The following SKI variants were observed in gnomAD, a reference collection of about 807,000 sequenced individuals.
SKI encodes ski oncogene.
Under a neutral mutation model 59.3 loss-of-function variants are expected in SKI, and 23 were observed. That is an observed-to-expected ratio of 0.39 (90% confidence interval 0.28 to 0.55). The LOEUF (loss-of-function observed/expected upper bound fraction) is 0.55, where lower values mean the gene tolerates loss of function less well. Ranked by LOEUF, SKI falls within the 20% of genes least tolerant of loss-of-function variation. The probability of loss-of-function intolerance (pLI) is 0.67; values close to 1 mark genes in which losing one functional copy is unlikely to be tolerated. For missense variants in SKI, 1,017 were observed against 1,038.9 expected, an observed-to-expected ratio of 0.98 and a Z score of 0.29; for synonymous variants, 673 against 488.6, an observed-to-expected ratio of 1.38 and a Z score of -4.98.
chr1:2,230,182 A>C (rs1055117550), intron 1 of SKI, among the ~76,000 whole-genome samples: 2 of 152,210 alleles, frequency 1.3e-5, no homozygotes, highest in African/African-American at 4.8e-5. Context: ...GAAGGCACCC[A>C]GCCTCGAAGA....
chr1:2,282,998 CCAGT>C (rs1235512383), intron 1 of SKI, among the ~76,000 whole-genome samples: 6 of 152,146 alleles, frequency 3.9e-5, no homozygotes, highest in Non-Finnish European at 8.8e-5. Context: ...GAGACGGGAG[CCAGT>C]CTCGGACCCT....
Position 2,263,469 on chromosome 1 carries a change from T to C in SKI, c.969+33734T>C, listed in dbSNP as rs79504977. Among the ~76,000 whole-genome samples, 33 of 151,358 alleles carry C rather than the reference T, an allele frequency of 2.2e-4. No individual in the cohort carries two copies. In the East Asian group the frequency reaches 6.5e-3, roughly 30 times the overall value. ...GCCAGGCAGTCTTGAACTTCTGATA[T>C]TAGGTGATCCTCCTGCCTCAGCCTC... On this transcript the variant is annotated intron_variant, in intron 1 of 6. Transcript: ENST00000378536.
At chr1:2,247,656 C>T (rs775969444) in intron 1 of SKI, among the ~76,000 whole-genome samples, 2 of 152,208 alleles carry the variant, frequency 1.3e-5, no homozygotes, top group Non-Finnish European at 2.9e-5. Context: ...TTGCCCTGGC[C>T]ACTTGGGGTT....
At chr1:2,259,819 C>T (rs1469431618) in intron 1 of SKI, among the ~76,000 whole-genome samples, 1 of 152,160 alleles carries the variant, frequency 6.6e-6, no homozygotes, top group Admixed American at 6.5e-5. Context: ...GTCTGGCTTC[C>T]TTCCCTCAGC....
chr1:2,260,539 T>TC (rs1557825829), intron 1 of SKI, among the ~76,000 whole-genome samples: 4 of 124,656 alleles, frequency 3.2e-5, no homozygotes, highest in Admixed American at 7.9e-5. Context: ...CTTTTTCTTT[T>TC]TTTTTTTTTT....
intron 1 of SKI, among the ~76,000 whole-genome samples, chr1:2,288,517 G>A (rs1160834719): frequency 2.6e-5 from 4 of 152,238 alleles, no homozygotes; most frequent in Admixed American, 6.5e-5. Context: ...CGTTTCCTGT[G>A]GGAGTGGCTC....
chr1:2,228,691 C>T lies in SKI; in HGVS notation c.-76C>T. On this transcript the variant is annotated 5_prime_UTR_variant, in exon 1 of 7. Coordinates refer to ENST00000378536, the MANE Select transcript of SKI (RefSeq NM_003036.4). ...GTCGGGGCCGCGGGCGCCGCCGGGG[C>T]GCGCGGGGCGGCGGCGGGGGCCGGG... 1.1e-6 allele frequency: 1 copy of T among 912,598 alleles called. No homozygotes were observed. The highest frequency in any genetic ancestry group is 1.3e-6 in the Non-Finnish European group (1 of 768,640). The allele number at this position is 912,598 out of a possible 1,614,324, so 56.5% of individuals were successfully genotyped here.
intron 1 of SKI, among the ~76,000 whole-genome samples, chr1:2,291,248 C>T (rs183047967): frequency 2.0e-5 from 3 of 152,254 alleles, no homozygotes; most frequent in East Asian, 1.9e-4. Flanking sequence ...CCCAGTGTGT[C>T]CCCTGGGGGA....
chr1:2,306,459 C>A, intron 6 of SKI, 118 bp from the exon 7 acceptor site: 1 of 1,138,864 alleles, frequency 8.8e-7, no homozygotes, highest in Non-Finnish European at 1.2e-6. Flanking sequence ...GGAGGAGGGG[C>A]CGGCACGCGG....
chr1:2,266,609 C>T lies in SKI; in HGVS notation c.970-36369C>T, dbSNP rs560436348. 2.0e-5 allele frequency among the ~76,000 whole-genome samples: 3 copies of T among 152,290 alleles called. No homozygotes were observed. In the East Asian group the frequency reaches 5.8e-4, roughly 29 times the overall value. ...GGGGCCATTGTCTCCCATCTCCTGT[C>T]TTGTCTGCGTTTTTGGCCTTTCCAG... On this transcript the variant is annotated intron_variant, in intron 1 of 6. Transcript: ENST00000378536.
At chr1:2,298,859 G>A (rs1453902197) in intron 1 of SKI, among the ~76,000 whole-genome samples, 3 of 152,344 alleles carry the variant, frequency 2.0e-5, no homozygotes, top group East Asian at 3.9e-4. Context: ...GCTCCTTGGT[G>A]CCCAGAGCTC....
intron 1 of SKI, among the ~76,000 whole-genome samples, chr1:2,287,440 C>T (rs904909972): frequency 6.6e-6 from 1 of 151,520 alleles, no homozygotes; most frequent in Non-Finnish European, 1.5e-5. Flanking sequence ...GGGTTCACGC[C>T]ATTCTCCTGC....
At chr1:2,261,221 C>T (rs940422671) in intron 1 of SKI, among the ~76,000 whole-genome samples, 17 of 152,302 alleles carry the variant, frequency 1.1e-4, no homozygotes, top group Non-Finnish European at 1.8e-4. Flanking sequence ...GTGATATTCG[C>T]GCTCTAACCC....
chr1:2,253,562 CA>C (rs1350268320), intron 1 of SKI, among the ~76,000 whole-genome samples: 1 of 152,242 alleles, frequency 6.6e-6, no homozygotes. Flanking sequence ...TGCCCTGTCT[CA>C]GGGGGCTGCT....
At chr1:2,279,672 CTGGGCGTG>C (rs537530056) in intron 1 of SKI, among the ~76,000 whole-genome samples, 98 of 152,058 alleles carry the variant, frequency 6.4e-4, no homozygotes, top group African/African-American at 2.2e-3. Context: ...CACCCAGGCA[CTGGGCGTG>C]GCCCAGCCCC....
chr1:2,255,661 C>T (rs967211835), intron 1 of SKI, among the ~76,000 whole-genome samples: 1 of 151,724 alleles, frequency 6.6e-6, no homozygotes, highest in African/African-American at 2.4e-5. Flanking sequence ...CTGTCCTGAC[C>T]TCATTTCCTG....
intron 1 of SKI, among the ~76,000 whole-genome samples, chr1:2,230,707 T>C (rs1638616120): frequency 6.6e-6 from 1 of 152,108 alleles, no homozygotes. Flanking sequence ...CCTCCCCAAG[T>C]ATTTGTAACT....
intron 1 of SKI, among the ~76,000 whole-genome samples, chr1:2,291,015 C>T (rs898905103): frequency 7.9e-5 from 12 of 152,216 alleles, no homozygotes; most frequent in East Asian, 1.9e-4. Flanking sequence ...CATTACGGGC[C>T]GCGCCTCCCA....
At chr1:2,275,466 C>T (rs1464806079) in intron 1 of SKI, among the ~76,000 whole-genome samples, 2 of 152,146 alleles carry the variant, frequency 1.3e-5, no homozygotes, top group East Asian at 1.9e-4. Context: ...GACCCCGAGC[C>T]CTGGGGCAGG....
Sources: allele counts gnomAD v4.1 joint callset (sites outside exome capture counted in the v4.1 genomes callset), GRCh38; gene constraint gnomAD v4.1.1; transcripts MANE v1.5; gene names NCBI Gene and HGNC (gene_info 2026-07-23, HGNC 2026-07-21).